The following PSD3 variants were observed in gnomAD, a reference collection of about 807,000 sequenced individuals.
The protein encoded by PSD3 is pleckstrin and Sec7 domain containing 3.
In PSD3, 49 loss-of-function variants were observed where a neutral mutation model predicts 105.5. The observed-to-expected ratio is 0.46, with a 90% CI of 0.37 to 0.59. PSD3 has a LOEUF of 0.59. Among genes scored for constraint, PSD3 ranks in the 20% least tolerant of loss-of-function variants. The pLI, the probability that PSD3 is intolerant of heterozygous loss-of-function variation, is 0.00. For missense variants in PSD3, 1,561 were observed against 1,263.8 expected (o/e 1.24, Z -3.57); for synonymous variants, 557 against 457.8 (o/e 1.22, Z -2.77).
chr8:19,003,726 A>G (rs1006351387), intron 1 of PSD3, among the ~76,000 whole-genome samples: 13 of 149,218 alleles, frequency 8.7e-5, no homozygotes, highest in South Asian at 2.2e-4. Flanking sequence ...TTTATGACAC[A>G]TCTCTACCAC....
intron 9 of PSD3, among the ~76,000 whole-genome samples, chr8:18,672,285 A>G (rs1254690834): frequency 1.3e-5 from 2 of 152,112 alleles, no homozygotes; most frequent in Admixed American, 6.6e-5. Flanking sequence ...TAACGTGCAC[A>G]GTTTATTAAA....
intron 9 of PSD3, among the ~76,000 whole-genome samples, chr8:18,757,237 G>C (rs1444511168): frequency 6.6e-6 from 1 of 150,786 alleles, no homozygotes; most frequent in African/African-American, 2.4e-5. Context: ...TGGATCATTT[G>C]AGGTCAGGAG....
intron 14 of PSD3, among the ~76,000 whole-genome samples, chr8:18,567,480 C>T (rs538463936): frequency 3.0e-4 from 45 of 152,260 alleles, no homozygotes; most frequent in Non-Finnish European, 5.1e-4. Context: ...TCAGTAAGAG[C>T]ATTCCTTTTC....
intron 2 of PSD3, among the ~76,000 whole-genome samples, chr8:18,909,275 C>T (rs902941971): frequency 3.9e-5 from 6 of 152,152 alleles, no homozygotes; most frequent in Admixed American, 1.3e-4. Context: ...CGTTATCTCT[C>T]CCTTAAGGTT....
chr8:18,680,071 GAAGAA>G (rs1665500088), intron 9 of PSD3, among the ~76,000 whole-genome samples: 2 of 152,202 alleles, frequency 1.3e-5, no homozygotes, highest in Admixed American at 6.5e-5. Context: ...AAGAGATGGG[GAAGAA>G]AAGAGTGTTT....
chr8:18,702,939 T>C (rs922441986), intron 9 of PSD3, among the ~76,000 whole-genome samples: 2 of 152,124 alleles, frequency 1.3e-5, no homozygotes, highest in African/African-American at 4.8e-5. Flanking sequence ...ATAAGAGGCA[T>C]TTTACTGCTT....
intron 1 of PSD3, among the ~76,000 whole-genome samples, chr8:19,064,296 G>A (rs1396938474): frequency 2.0e-5 from 3 of 152,120 alleles, no homozygotes; most frequent in African/African-American, 7.2e-5. Context: ...TTAGACATGA[G>A]AATGCTTAAA....
chr8:18,966,725 C>T (rs115001399), intron 1 of PSD3, among the ~76,000 whole-genome samples: 2,320 of 152,258 alleles, frequency 0.015, 66 homozygotes, highest in African/African-American at 0.052. Context: ...CAGGAGGACG[C>T]AACGTTTCCG....
intron 11 of PSD3, among the ~76,000 whole-genome samples, chr8:18,623,946 A>G (rs1806304559): frequency 6.6e-6 from 1 of 152,044 alleles, no homozygotes. Context: ...CAACATTACC[A>G]CTGGTGAGAT....
At chr8:18,869,734 C>A (rs574241635) in intron 3 of PSD3, among the ~76,000 whole-genome samples, 14 of 152,312 alleles carry the variant, frequency 9.2e-5, no homozygotes, top group Admixed American at 7.2e-4. Context: ...CTAAACTGGC[C>A]TCTTCCCTCC....
chr8:19,067,556 A>G (rs1468404763), intron 1 of PSD3, among the ~76,000 whole-genome samples: 1 of 152,204 alleles, frequency 6.6e-6, no homozygotes, highest in Admixed American at 6.5e-5. Flanking sequence ...GAAATCCAAC[A>G]TAAGTGGGCT....
At chr8:18,661,087 C>T (rs1228708932) in intron 9 of PSD3, among the ~76,000 whole-genome samples, 2 of 152,110 alleles carry the variant, frequency 1.3e-5, no homozygotes, top group South Asian at 4.1e-4. Context: ...ATTGTGTAAC[C>T]GTGAGTCTCT....
intron 9 of PSD3, among the ~76,000 whole-genome samples, chr8:18,659,874 T>A (rs572599778): frequency 6.6e-6 from 1 of 152,222 alleles, no homozygotes; most frequent in South Asian, 2.1e-4. Flanking sequence ...ATGTGAGGGG[T>A]TATCTGGCCT....
At chr8:18,855,634 C>G (rs1439353966) in intron 4 of PSD3, among the ~76,000 whole-genome samples, 1 of 152,188 alleles carries the variant, frequency 6.6e-6, no homozygotes, top group African/African-American at 2.4e-5. Context: ...TGAAAGAACT[C>G]AGACACAATG....
intron 3 of PSD3, among the ~76,000 whole-genome samples, chr8:18,870,864 C>A (rs1036438655): frequency 6.6e-6 from 1 of 152,122 alleles, no homozygotes; most frequent in Non-Finnish European, 1.5e-5. Flanking sequence ...CTTAGGGAGG[C>A]CAAGGTGGGA....
intron 9 of PSD3, among the ~76,000 whole-genome samples, chr8:18,765,238 A>G (rs962332659): frequency 2.6e-5 from 4 of 152,232 alleles, no homozygotes; most frequent in African/African-American, 9.7e-5. Context: ...TTACCTCAGT[A>G]TTATTGATTA....
intron 1 of PSD3, among the ~76,000 whole-genome samples, chr8:19,046,301 G>T (rs895422734): frequency 1.1e-4 from 17 of 151,780 alleles, no homozygotes; most frequent in African/African-American, 3.4e-4. Flanking sequence ...TAGTAGAGAC[G>T]GGGTTTCACC....
intron 9 of PSD3, among the ~76,000 whole-genome samples, chr8:18,656,662 G>A (rs1429325313): frequency 6.6e-6 from 1 of 152,150 alleles, no homozygotes. Flanking sequence ...CCCAGCTCTA[G>A]CATTACAAAG....
chr8:19,030,690 T>G (rs565795276), intron 1 of PSD3, among the ~76,000 whole-genome samples: 50 of 152,172 alleles, frequency 3.3e-4, no homozygotes, highest in Non-Finnish European at 6.0e-4. Context: ...GTGAACCAAT[T>G]AAACCTCTTT....
Sources: gnomAD v4.1 joint callset for allele counts (sites outside exome capture counted in the v4.1 genomes callset) on GRCh38, gnomAD v4.1.1 for gene constraint, MANE v1.5 for transcripts, NCBI Gene and HGNC (gene_info 2026-07-23, HGNC 2026-07-21) for gene names.